The following SYTL3 variants were observed in gnomAD, a reference collection of about 807,000 sequenced individuals.
SYTL3 encodes synaptotagmin-like protein 3.
A neutral mutation model predicts 82.1 loss-of-function variants in SYTL3; 88 were observed. That is an observed-to-expected ratio of 1.07 (90% CI 0.90 to 1.28). The LOEUF (loss-of-function observed/expected upper bound fraction) is 1.28. SYTL3 is among the 50% of genes most tolerant of loss of function. The pLI is 0.00. For missense variants in SYTL3, 831 were observed against 757.6 expected, an observed-to-expected ratio of 1.10 and a Z score of -1.14; for synonymous variants, 311 against 289.4, an observed-to-expected ratio of 1.07 and a Z score of -0.76.
At chr6:158,660,374 C>T (rs372056304) in intron 2 of SYTL3, among the ~76,000 whole-genome samples, 1 of 152,314 alleles carries the variant, frequency 6.6e-6, no homozygotes, top group African/African-American at 2.4e-5. Context: ...AGGAAATGAA[C>T]TGAATTTCAT....
At chr6:158,672,158 G>A (rs7753724) in intron 5 of SYTL3, among the ~76,000 whole-genome samples, 4 of 152,236 alleles carry the variant, frequency 2.6e-5, no homozygotes, top group South Asian at 2.1e-4. Context: ...GGGCATGGTC[G>A]TGTGTACCTG....
chr6:158,684,474 A>G (rs959764348), intron 6 of SYTL3, among the ~76,000 whole-genome samples: 5 of 152,108 alleles, frequency 3.3e-5, no homozygotes, highest in African/African-American at 1.2e-4. Context: ...CATCAGGACA[A>G]AGGCGCACAC....
chr6:158,762,009 G>T, intron 15 of SYTL3, 67 bp from the exon 16 acceptor site: 1 of 1,141,428 alleles, frequency 8.8e-7, no homozygotes, highest in South Asian at 1.3e-5. Flanking sequence ...CGGTTTTGGG[G>T]TGGTGGTACT....
chr6:158,667,873 G>A (rs1790271752), intron 5 of SYTL3, among the ~76,000 whole-genome samples: 1 of 152,210 alleles, frequency 6.6e-6, no homozygotes, highest in African/African-American at 2.4e-5. Flanking sequence ...TGTCTTCAGG[G>A]AAGGTTTTCT....
At chr6:158,666,855 T>A (rs1412367212) in intron 5 of SYTL3, among the ~76,000 whole-genome samples, 1 of 152,242 alleles carries the variant, frequency 6.6e-6, no homozygotes, top group Non-Finnish European at 1.5e-5. Context: ...CTGATTTCTT[T>A]GCTCTTGAAC....
At chr6:158,747,069 C>T (rs972485224) in intron 12 of SYTL3, among the ~76,000 whole-genome samples, 3 of 152,206 alleles carry the variant, frequency 2.0e-5, no homozygotes, top group Non-Finnish European at 4.4e-5. Context: ...TCACTGCAAC[C>T]TCTGCCTCCT....
chr6:158,665,659 G>A (rs748603206), intron 5 of SYTL3, 46 bp downstream of exon 5: 18 of 1,421,174 alleles, frequency 1.3e-5, no homozygotes, highest in Middle Eastern at 2.5e-4. Flanking sequence ...TTCAGGTCTC[G>A]GAGGAGGCCT....
At chr6:158,699,310 G>A (rs1780899658) in intron 6 of SYTL3, among the ~76,000 whole-genome samples, 1 of 152,164 alleles carries the variant, frequency 6.6e-6, no homozygotes, top group Non-Finnish European at 1.5e-5. Context: ...TCTGCTGCAG[G>A]AATTGCAGTC....
At chr6:158,686,996 C>T (rs1198058687) in intron 6 of SYTL3, among the ~76,000 whole-genome samples, 1 of 152,174 alleles carries the variant, frequency 6.6e-6, no homozygotes, top group East Asian at 1.9e-4. Flanking sequence ...TTTTTGTTGT[C>T]ATGGTACCGG....
At chr6:158,706,454 C>T (rs2128453097) in intron 6 of SYTL3, among the ~76,000 whole-genome samples, 1 of 152,266 alleles carries the variant, frequency 6.6e-6, no homozygotes, top group East Asian at 1.9e-4. Flanking sequence ...TGGCTGAAAT[C>T]CCCCAAGCTT....
chr6:158,654,623 A>G (rs1220179531), intron 2 of SYTL3, among the ~76,000 whole-genome samples: 1 of 152,130 alleles, frequency 6.6e-6, no homozygotes, highest in East Asian at 1.9e-4. Flanking sequence ...CTGTTGCTCT[A>G]GGGCTGTGCC....
rs578252305 is a variant in SYTL3 at position 158,736,674 on chromosome 6, C to G, written c.856-8806C>G. ...ATGGTGGCAGGTGCCTGTAATCCCA[C>G]CTACTTGGGAGGCTGAGGCAGGAGA... On this transcript the variant is annotated intron_variant, in intron 11 of 17. Coordinates refer to ENST00000611299, the MANE Select transcript of SYTL3 (RefSeq NM_001242394.2). 2.4e-4 allele frequency among the ~76,000 whole-genome samples: 36 copies of G among 150,102 alleles called. 1 individual carries two copies. In the East Asian group the frequency reaches 2.4e-3, roughly 10 times the overall value.
chr6:158,676,215 C>G (rs756238795), intron 5 of SYTL3, among the ~76,000 whole-genome samples: 15 of 152,086 alleles, frequency 9.9e-5, no homozygotes, highest in Non-Finnish European at 1.9e-4. Context: ...AGATATAGAC[C>G]AATGGAACAG....
intron 6 of SYTL3, among the ~76,000 whole-genome samples, chr6:158,685,983 G>A (rs1779256148): frequency 6.6e-6 from 1 of 152,192 alleles, no homozygotes; most frequent in South Asian, 2.1e-4. Context: ...GCAGACATCT[G>A]CTTCACTCAA....
At chr6:158,711,472 C>T (rs908824999) in intron 8 of SYTL3, among the ~76,000 whole-genome samples, 16 of 152,160 alleles carry the variant, frequency 1.1e-4, no homozygotes, top group Admixed American at 6.5e-4. Context: ...ACTGGAGACC[C>T]TGGGATACCA....
At chr6:158,668,962 G>A (rs1228848356) in intron 5 of SYTL3, among the ~76,000 whole-genome samples, 1 of 152,168 alleles carries the variant, frequency 6.6e-6, no homozygotes, top group African/African-American at 2.4e-5. Context: ...TTTCAGTAGT[G>A]AAGGGGCTCC....
chr6:158,647,541 G>A (rs1232688703), upstream of SYTL3, among the ~76,000 whole-genome samples: 1 of 152,204 alleles, frequency 6.6e-6, no homozygotes, highest in East Asian at 1.9e-4. Context: ...AGGCTTATGT[G>A]ATGTTGTAGT....
chr6:158,761,357 C>T (rs1003137453), intron 15 of SYTL3, among the ~76,000 whole-genome samples: 6 of 131,850 alleles, frequency 4.6e-5, no homozygotes, highest in South Asian at 4.9e-4. Flanking sequence ...GGCTGGAGTG[C>T]AGTGGCCCGA....
intron 6 of SYTL3, among the ~76,000 whole-genome samples, chr6:158,684,810 T>TAA (rs370131896): frequency 1.4e-3 from 180 of 125,478 alleles, no homozygotes; most frequent in African/African-American, 4.2e-3. Context: ...TGGCTCTTCT[T>TAA]AAAAAAAAAA....
Sources: gnomAD v4.1 joint callset for allele counts (sites outside exome capture counted in the v4.1 genomes callset) on GRCh38, gnomAD v4.1.1 for gene constraint, MANE v1.5 for transcripts, NCBI Gene and HGNC (gene_info 2026-07-23, HGNC 2026-07-21) for gene names.